Variants in OTOGL observed in about 807,000 individuals in gnomAD.
OTOGL encodes otogelin like, also known as otogelin-like protein.
In OTOGL, 285 loss-of-function variants were observed where a neutral mutation model predicts 318.5. The ratio of observed to expected loss-of-function variants is 0.89; its 90% CI spans 0.81 to 0.99. OTOGL has a LOEUF of 0.99. Among genes scored for constraint, OTOGL ranks in the 50% least tolerant of loss-of-function variants. The pLI is 0.00. For missense variants in OTOGL, 2,899 were observed against 2,845.6 expected, an observed-to-expected ratio of 1.02 and a Z score of -0.43; for synonymous variants, 987 against 936.5, an observed-to-expected ratio of 1.05 and a Z score of -0.99.
chr12:80,310,104 A>G (rs1373888510), intron 29 of OTOGL, among the ~76,000 whole-genome samples: 1 of 152,220 alleles, frequency 6.6e-6, no homozygotes, highest in Non-Finnish European at 1.5e-5. Flanking sequence ...GCAAAAGTCA[A>G]GCAAAATGGA....
At chr12:80,227,028 A>G (rs1878921628) in intron 7 of OTOGL, among the ~76,000 whole-genome samples, 1 of 152,062 alleles carries the variant, frequency 6.6e-6, no homozygotes, top group Admixed American at 6.6e-5. Flanking sequence ...AATTATGTGA[A>G]TTTCCTTTCC....
intron 1 of OTOGL, among the ~76,000 whole-genome samples, chr12:80,127,331 G>T (rs1332685563): frequency 1.3e-5 from 2 of 151,990 alleles, no homozygotes; most frequent in East Asian, 3.8e-4. Flanking sequence ...GAAATTCTGG[G>T]TTGCAAATTC....
intron 28 of OTOGL, among the ~76,000 whole-genome samples, chr12:80,303,018 TTTC>T (rs1238079654): frequency 6.6e-6 from 1 of 152,174 alleles, no homozygotes; most frequent in Non-Finnish European, 1.5e-5. Context: ...TTAAGCCAGC[TTTC>T]TTCTTCTCTT....
At chr12:80,112,705 C>CTTTTTTTTTTTTTTTTTTTTTT (rs546093754) in intron 1 of OTOGL, among the ~76,000 whole-genome samples, 2 of 128,672 alleles carry the variant, frequency 1.6e-5, no homozygotes, top group South Asian at 2.4e-4. Flanking sequence ...CTGAAATTTT[C>CTTTTTTTTTTTTTTTTTTTTTT]TTTCTTTTTT....
At position 80,288,756 on chromosome 12, in the gene OTOGL, G is replaced by A. The variant is rs184902442; in HGVS notation, c.2929-8071G>A. 1.1e-4 allele frequency among the ~76,000 whole-genome samples: 16 copies of A among 152,020 alleles called. No individual in the cohort carries two copies. The East Asian group carries it at 1.2e-3, about 11-fold the overall frequency. On this transcript the variant is annotated intron_variant, in intron 26 of 58. Coordinates refer to ENST00000547103, the MANE Select transcript of OTOGL (RefSeq NM_001378609.3). ...CTTTCAACTCCACCAGGTCATTTAT[G>A]TTCTTCTCTAAACTGGTTATTTTAG... is the stretch of plus-strand genomic sequence containing the variant.
chr12:80,338,116 C>G (rs2137922259), intron 42 of OTOGL, among the ~76,000 whole-genome samples: 1 of 152,086 alleles, frequency 6.6e-6, no homozygotes, highest in Non-Finnish European at 1.5e-5. Flanking sequence ...AACATAGGTC[C>G]TGATCTCAAG....
intron 1 of OTOGL, among the ~76,000 whole-genome samples, chr12:80,194,327 C>T (rs1288927648): frequency 1.3e-5 from 2 of 152,122 alleles, no homozygotes; most frequent in Non-Finnish European, 2.9e-5. Flanking sequence ...CAATAATTCC[C>T]CTTTTTGCTT....
Position 80,255,023 on chromosome 12 carries a change from CTT to C in OTOGL, c.1442-7_1442-6del, listed in dbSNP as rs761399547. 145 of 1,056,730 alleles carry C rather than the reference CTT, an allele frequency of 1.4e-4. No individual in the cohort carries two copies. Among genetic ancestry groups the C allele is most frequent in the South Asian group, 4.9e-4 (24 of 48,498 alleles). The allele number at this position is 1,056,730 out of a possible 1,614,324, so 65.5% of individuals were successfully genotyped here. A position where few individuals can be genotyped will look rare whatever the true frequency, so the allele number is the denominator to read the frequency against. ...ACCTCCTTTTCTTTTTCTTTGTTTT[CTT>C]TTTTTTTTTGGCAGTTCAATGCTCA... On this transcript the variant is annotated splice_polypyrimidine_tract_variant and intron_variant, in intron 15 of 58. Transcript: ENST00000547103.
chr12:80,348,352 TC>T (rs1889332205), intron 44 of OTOGL, among the ~76,000 whole-genome samples: 1 of 152,198 alleles, frequency 6.6e-6, no homozygotes, highest in South Asian at 2.1e-4. Context: ...TAGCCAGTTT[TC>T]CCAACACTAT....
chr12:80,288,968 G>A (rs1429788374), intron 26 of OTOGL, among the ~76,000 whole-genome samples: 1 of 152,088 alleles, frequency 6.6e-6, no homozygotes, highest in Non-Finnish European at 1.5e-5. Context: ...ATCATTTGGA[G>A]GAGAAGAGGC....
Position 80,342,156 on chromosome 12 carries a change from T to C in OTOGL, c.5259T>C (p.His1753=). 2 of 1,567,950 alleles carry C rather than the reference T, an allele frequency of 1.3e-6. No individual in the cohort carries two copies. The highest frequency in any genetic ancestry group is 4.6e-5 in the East Asian group (2 of 43,364). The change falls in exon 44 of 59, where the codon CAT becomes CAC. Residue 1753 remains histidine, a synonymous_variant. Transcript: ENST00000547103. ...ATAGAAGAATTTTCATTCCATGTCA[T>C]GATAAAGTAAGTTGGAAGCAACCAT... ...LLNRRIFIPC[H]DKVSPEDFCE...
intron 1 of OTOGL, among the ~76,000 whole-genome samples, chr12:80,204,112 T>C (rs1182522289): frequency 6.6e-6 from 1 of 152,094 alleles, no homozygotes; most frequent in Non-Finnish European, 1.5e-5. Context: ...TGGGAAGAGG[T>C]CATGTCAAGA....
chr12:80,256,462 T>A lies in OTOGL; in HGVS notation c.1711+2T>A. Reference sequence around the variant, plus strand: ...CTAACCAAGGCTTCAACCTGAATGGTAAGAAACAGTGCTAATGGTGTACTT... The same window carrying A: ...CTAACCAAGGCTTCAACCTGAATGGAAAGAAACAGTGCTAATGGTGTACTT... On this transcript the variant is annotated splice_donor_variant, in intron 17 of 58. Coordinates refer to ENST00000547103, the MANE Select transcript of OTOGL (RefSeq NM_001378609.3). LOFTEE classifies it high-confidence loss of function. 1 of 1,574,954 alleles carries A rather than the reference T, an allele frequency of 6.3e-7. No homozygotes were observed. The highest frequency in any genetic ancestry group is 8.6e-7 in the Non-Finnish European group (1 of 1,166,916).
Position 80,323,858 on chromosome 12 carries a change from A to C in OTOGL, c.4199+18A>C. The C allele has an allele frequency of 3.8e-5, 60 of 1,567,496 alleles. No individual in the cohort carries two copies. Among genetic ancestry groups the C allele is most frequent in the Non-Finnish European group, 5.1e-5 (58 of 1,139,012 alleles). On this transcript the variant is annotated intron_variant, in intron 35 of 58. Coordinates refer to ENST00000547103, the MANE Select transcript of OTOGL (RefSeq NM_001378609.3). ...CTTCCACCGTAAGTAACGTTTACCA[A>C]TAAGTGATCAAAGTCCAGCCTTAGC...
At position 80,210,940 on chromosome 12, in the gene OTOGL, G is replaced by A. The variant is rs937996832; in HGVS notation, c.119+54G>A. The A allele has an allele frequency of 1.2e-5, 15 of 1,219,034 alleles. No individual in the cohort carries two copies. The African/African-American group carries it at 2.4e-4, about 19-fold the overall frequency. The allele number at this position is 1,219,034 out of a possible 1,614,324, so 75.5% of individuals were successfully genotyped here. On this transcript the variant is annotated intron_variant, in intron 3 of 58. Transcript: ENST00000547103. ...TAAAACATAAAGTTAATGGGAATGA[G>A]CAAACCTCAGCAGGCAACTATATCT...
rs1007622452 is a variant in OTOGL, at chr12:80,342,151, T to C, written c.5254T>C (p.Cys1752Arg). The C allele has an allele frequency of 1.9e-6, 3 of 1,573,056 alleles. No individual in the cohort carries two copies. The highest frequency in any genetic ancestry group is 2.6e-6 in the Non-Finnish European group (3 of 1,156,656). ...DLLNRRIFIP[C>R]HDKVSPEDFC... Reference sequence around the variant, plus strand: ...ATTAAATAGAAGAATTTTCATTCCATGTCATGATAAAGTAAGTTGGAAGCA... The same window carrying C: ...ATTAAATAGAAGAATTTTCATTCCACGTCATGATAAAGTAAGTTGGAAGCA... Residue 1752 changes from cysteine (C) to arginine (R), a missense_variant, in exon 44 of 59, where the codon TGT becomes CGT. Around this residue, in one of 3 missense-constraint regions of OTOGL, gnomAD observed 2,607 missense variants for 2,524.9 expected, o/e 1.03. Coordinates refer to ENST00000547103, the MANE Select transcript of OTOGL (RefSeq NM_001378609.3).
intron 1 of OTOGL, among the ~76,000 whole-genome samples, chr12:80,118,838 C>T (rs1870318864): frequency 6.8e-6 from 1 of 147,806 alleles, no homozygotes; most frequent in African/African-American, 2.5e-5. Context: ...AAACTCTTGT[C>T]TTAAGAAATG....
At chr12:80,158,753 A>G (rs933424739) in intron 1 of OTOGL, among the ~76,000 whole-genome samples, 1 of 152,028 alleles carries the variant, frequency 6.6e-6, no homozygotes, top group East Asian at 1.9e-4. Flanking sequence ...AGGGTTTTCT[A>G]AGTATACGAT....
intron 58 of OTOGL, 29 bp downstream of exon 58, chr12:80,377,231 A>AAGGGG: frequency 6.6e-7 from 1 of 1,510,534 alleles, no homozygotes; most frequent in Non-Finnish European, 9.1e-7. Flanking sequence ...TTTGCTACAT[A>AAGGGG]AATGCACACA....
Sources: gnomAD v4.1 joint callset for allele counts (sites outside exome capture counted in the v4.1 genomes callset) on GRCh38, gnomAD v4.1.1 for gene constraint, gnomAD v4.1.1 regional missense constraint, MANE v1.5 for transcripts, NCBI Gene and HGNC (gene_info 2026-07-23, HGNC 2026-07-21) for gene names.